The following GPBP1L1 variants were observed in gnomAD, a reference collection of about 807,000 sequenced individuals.
GPBP1L1 encodes the protein vasculin-like protein 1.
A neutral mutation model predicts 52.5 loss-of-function variants in GPBP1L1; 23 were observed. The observed-to-expected ratio is 0.44, with a 90% CI of 0.32 to 0.62. The LOEUF (loss-of-function observed/expected upper bound fraction) is 0.62. Among genes scored for constraint, GPBP1L1 ranks in the 20% least tolerant of loss-of-function variants. GPBP1L1 has a pLI of 0.06. For missense variants in GPBP1L1, 596 were observed against 579.3 expected (o/e 1.03, Z -0.30); for synonymous variants, 243 against 203.1 (o/e 1.20, Z -1.67).
At chr1:45,629,548 G>T (rs776199346) in intron 12 of GPBP1L1, 28 bp downstream of exon 12, 20 of 1,328,492 alleles carry the variant, frequency 1.5e-5, no homozygotes, top group Non-Finnish European at 2.1e-5. Flanking sequence ...TTACTAACTG[G>T]TCTCTAGGAA....
chr1:45,680,960 T>C (rs898069057), intron 2 of GPBP1L1, among the ~76,000 whole-genome samples: 1 of 152,110 alleles, frequency 6.6e-6, no homozygotes, highest in Non-Finnish European at 1.5e-5. Flanking sequence ...GAGACAACTA[T>C]TCATTAGTAA....
chr1:45,669,327 G>T (rs545379579), intron 2 of GPBP1L1, among the ~76,000 whole-genome samples: 1 of 152,162 alleles, frequency 6.6e-6, no homozygotes, highest in Non-Finnish European at 1.5e-5. Context: ...CACCAACAGT[G>T]GTGCTAGAGA....
At chr1:45,658,990 C>T (rs548752726) in intron 4 of GPBP1L1, 38 bp downstream of exon 4, 3 of 1,385,384 alleles carry the variant, frequency 2.2e-6, no homozygotes, top group Admixed American at 3.4e-5. Context: ...CAAACCCTCT[C>T]ATATTTGAGA....
intron 3 of GPBP1L1, among the ~76,000 whole-genome samples, 185 bp downstream of exon 3, chr1:45,659,992 GAGCTTTT>G (rs1265673548): frequency 2.0e-5 from 3 of 152,162 alleles, no homozygotes; most frequent in Non-Finnish European, 2.9e-5. Context: ...AACCTCTCAA[GAGCTTTT>G]ATATTTAGTT....
chr1:45,660,472 A>C lies in GPBP1L1; in HGVS notation c.-344T>G. 1.0e-6 allele frequency: 1 copy of C among 981,810 alleles called. No homozygotes were observed. The highest frequency in any genetic ancestry group is 1.2e-6 in the Non-Finnish European group (1 of 826,608). The allele number at this position is 981,810 out of a possible 1,614,324, so 60.8% of individuals were successfully genotyped here. A position where few individuals can be genotyped will look rare whatever the true frequency, so the allele number is the denominator to read the frequency against. ...ACATTTAAAAAGGGGGGGAAGGGGA[A>C]AGAGCTGTATCTATGTTCACCTCAT... On this transcript the variant is annotated 5_prime_UTR_variant, in exon 3 of 13. Transcript: ENST00000355105.
At chr1:45,666,505 C>T (rs1028214444) in intron 2 of GPBP1L1, among the ~76,000 whole-genome samples, 1 of 152,080 alleles carries the variant, frequency 6.6e-6, no homozygotes, top group Non-Finnish European at 1.5e-5. Flanking sequence ...AGGACACACA[C>T]AGCATGTATC....
At chr1:45,682,681 T>C (rs922801735) in intron 2 of GPBP1L1, among the ~76,000 whole-genome samples, 4 of 152,334 alleles carry the variant, frequency 2.6e-5, no homozygotes, top group South Asian at 4.1e-4. Context: ...AACAGATCAA[T>C]TATTTGCCTT....
chr1:45,630,688 C>A, intron 10 of GPBP1L1, 82 bp from the exon 11 acceptor site: 1 of 1,491,408 alleles, frequency 6.7e-7, no homozygotes, highest in Non-Finnish European at 9.1e-7. Context: ...CAAGGACTCA[C>A]GACCCAGGAA....
intron 6 of GPBP1L1, among the ~76,000 whole-genome samples, chr1:45,647,557 T>G (rs1644765904): frequency 6.6e-6 from 1 of 152,224 alleles, no homozygotes; most frequent in South Asian, 2.1e-4. Context: ...CATGTTAACT[T>G]CTGCCAGCGG....
At chr1:45,646,066 G>A (rs1380268568) in intron 6 of GPBP1L1, 6 of 481,314 alleles carry the variant, frequency 1.2e-5, no homozygotes, top group Middle Eastern at 7.3e-4. Context: ...CCAATGTAAC[G>A]ATGCTTCATC....
chr1:45,644,654 T>A (rs1644718343), intron 6 of GPBP1L1, among the ~76,000 whole-genome samples: 1 of 152,200 alleles, frequency 6.6e-6, no homozygotes, highest in South Asian at 2.1e-4. Flanking sequence ...TTAGAAAATC[T>A]TAAGCCTCTT....
intron 2 of GPBP1L1, among the ~76,000 whole-genome samples, chr1:45,664,891 T>C (rs1022290666): frequency 1.3e-5 from 2 of 152,054 alleles, no homozygotes; most frequent in African/African-American, 2.4e-5. Flanking sequence ...GTTAGCCAGG[T>C]TGGTCTTGAA....
chr1:45,661,882 T>C (rs1411209328), intron 2 of GPBP1L1, among the ~76,000 whole-genome samples: 1 of 152,190 alleles, frequency 6.6e-6, no homozygotes, highest in Non-Finnish European at 1.5e-5. Context: ...TTTTCTCTCA[T>C]AAATGGGACA....
chr1:45,647,864 C>T (rs1453016460), intron 6 of GPBP1L1, among the ~76,000 whole-genome samples: 2 of 152,120 alleles, frequency 1.3e-5, no homozygotes, highest in East Asian at 3.9e-4. Context: ...AAATGGGGGA[C>T]TCATTCTTGG....
At position 45,654,535 on chromosome 1, in the gene GPBP1L1, A is replaced by T; in HGVS notation, c.477+8T>A. On this transcript the variant is annotated splice_region_variant and intron_variant, in intron 6 of 12. Transcript: ENST00000355105. ...CTTCTAACCACACATCTAAAGATTC[A>T]TACTTACAAAGTCCTCCTCTTCAAA... 1 of 1,601,338 alleles carries T rather than the reference A, an allele frequency of 6.2e-7. No individual in the cohort carries two copies. The highest frequency in any genetic ancestry group is 1.1e-5 in the South Asian group (1 of 90,006).
At chr1:45,682,501 T>A (rs1645223326) in intron 2 of GPBP1L1, among the ~76,000 whole-genome samples, 2 of 152,234 alleles carry the variant, frequency 1.3e-5, no homozygotes, top group Admixed American at 1.3e-4. Context: ...ATGACTTTGT[T>A]AAAATCAACT....
chr1:45,628,489 G>C (rs1644486834), intron 12 of GPBP1L1, 81 bp from the exon 13 acceptor site: 1 of 1,358,680 alleles, frequency 7.4e-7, no homozygotes, highest in Non-Finnish European at 1.0e-6. Context: ...GAAAGGCCAG[G>C]CCTCAATTCA....
chr1:45,655,051 C>T (rs543988798), intron 5 of GPBP1L1, 139 bp downstream of exon 5: 37 of 1,106,200 alleles, frequency 3.3e-5, no homozygotes, highest in African/African-American at 2.4e-4. Flanking sequence ...AATGTAGTTG[C>T]GTAATGACTA....
chr1:45,642,427 C>T lies in GPBP1L1; in HGVS notation c.550G>A (p.Glu184Lys), dbSNP rs892410021. The change falls in exon 7 of 13, where the codon GAA becomes AAA. Residue 184 changes from glutamate to lysine, a missense_variant and splice_region_variant. Coordinates refer to ENST00000355105, the MANE Select transcript of GPBP1L1 (RefSeq NM_021639.5). ...CTTTAAAATGGCAAAATCTACCTAC[C>T]CCATACTCCAGAAGGTGTCCCAATA... The part of the protein sequence containing the change: ...RPIGTPSGVW[E>K]NPPSAKQPSK... 6.2e-7 allele frequency: 1 copy of T among 1,610,944 alleles called. No homozygotes were observed. Among genetic ancestry groups the T allele is most frequent in the East Asian group, 2.2e-5 (1 of 44,812 alleles).
Sources: gnomAD v4.1 joint callset for allele counts (sites outside exome capture counted in the v4.1 genomes callset) on GRCh38, gnomAD v4.1.1 for gene constraint, MANE v1.5 for transcripts, NCBI Gene and HGNC (gene_info 2026-07-23, HGNC 2026-07-21) for gene names.